ZZEF1: variants seen among roughly 807,000 people sequenced by gnomAD.
The protein encoded by ZZEF1 is zinc finger ZZ-type and EF-hand domain-containing protein 1.
Under a neutral mutation model 342.8 loss-of-function variants are expected in ZZEF1, and 157 were observed. That is an observed-to-expected ratio of 0.46 (90% confidence interval 0.40 to 0.52). The LOEUF (loss-of-function observed/expected upper bound fraction) is 0.52. ZZEF1 is among the 20% of genes least tolerant of loss of function. The pLI is 0.00. For missense variants in ZZEF1, 3,480 were observed against 3,725.6 expected (o/e 0.93, Z 1.72); for synonymous variants, 1,505 against 1,429.1 (o/e 1.05, Z -1.20).
chr17:4,104,527 C>T (rs373571321), intron 8 of ZZEF1, 106 bp downstream of exon 8: 2 of 1,283,792 alleles, frequency 1.6e-6, no homozygotes, highest in Non-Finnish European at 1.1e-6. Flanking sequence ...GTAACTATAA[C>T]AACCCAAAAA....
Position 4,016,866 on chromosome 17 carries a change from C to A in ZZEF1, c.8002-400G>T. On this transcript the variant is annotated intron_variant, in intron 48 of 54. Coordinates refer to ENST00000381638, the MANE Select transcript of ZZEF1 (RefSeq NM_015113.4). This position sits in a 1 kb window ranked among gnomAD's most constrained non-coding sequence, Gnocchi z 4.4. ...AGGTGGCAAGAACTGTGGGAGGACA[C>A]GCCTATGCAAGGGCCTAGTAGAGGC... The A allele has an allele frequency of 5.1e-6, 1 of 195,830 alleles. No homozygotes were observed. The highest frequency in any genetic ancestry group is 1.3e-4 in the East Asian group (1 of 7,446). 12.1% of individuals were successfully genotyped at this position (195,830 alleles called of 1,614,324 possible). A position where few individuals can be genotyped will look rare whatever the true frequency, so the allele number is the denominator to read the frequency against.
intron 5 of ZZEF1, among the ~76,000 whole-genome samples, 181 bp downstream of exon 5, chr17:4,112,428 G>A (rs1186824214): frequency 2.0e-5 from 3 of 152,086 alleles, no homozygotes; most frequent in Non-Finnish European, 2.9e-5. Flanking sequence ...TTACAGGCGT[G>A]AGCCAGCATG....
At chr17:4,128,408 G>A (rs111932923) in intron 1 of ZZEF1, among the ~76,000 whole-genome samples, 22,028 of 141,254 alleles carry the variant, frequency 0.16, 1,881 homozygotes, top group African/African-American at 0.22. Flanking sequence ...AGGGAAAATA[G>A]AACTTCAAAA....
intron 46 of ZZEF1, among the ~76,000 whole-genome samples, chr17:4,019,018 C>G (rs1157973062): frequency 7.2e-6 from 1 of 139,726 alleles, no homozygotes; most frequent in African/African-American, 3.4e-5. Flanking sequence ...TTCTATCTGC[C>G]CTGATCCATT....
chr17:4,071,024 T>A (rs2057498968), intron 25 of ZZEF1, 100 bp from the exon 26 acceptor site: 2 of 1,369,336 alleles, frequency 1.5e-6, no homozygotes, highest in African/African-American at 1.5e-5. Context: ...TAAAACACAG[T>A]GAACACTCTC....
At chr17:4,088,967 T>C in intron 12 of ZZEF1, 74 bp from the exon 13 acceptor site, 1 of 1,447,106 alleles carries the variant, frequency 6.9e-7, no homozygotes, top group Admixed American at 2.0e-5. Context: ...GAAAAAGGCC[T>C]TTCCGGGAAG....
chr17:4,036,078 CAAAA>C (rs34564566), intron 39 of ZZEF1, among the ~76,000 whole-genome samples: 2 of 92,740 alleles, frequency 2.2e-5, no homozygotes, highest in East Asian at 3.2e-4. Flanking sequence ...ACAGCCTGTC[CAAAA>C]AAAAAAAAAA....
At chr17:4,045,739 C>T (rs931284799) in intron 37 of ZZEF1, among the ~76,000 whole-genome samples, 8 of 152,230 alleles carry the variant, frequency 5.3e-5, no homozygotes, top group African/African-American at 1.9e-4. Context: ...AAACCGGATG[C>T]TACTCCTAAA....
At chr17:4,043,671 A>C (rs1046797537) in intron 38 of ZZEF1, among the ~76,000 whole-genome samples, 1 of 152,038 alleles carries the variant, frequency 6.6e-6, no homozygotes, top group Admixed American at 6.6e-5. Context: ...CCATCCCTAC[A>C]CACCTGCCAA....
intron 11 of ZZEF1, among the ~76,000 whole-genome samples, chr17:4,092,176 G>C (rs2057957390): frequency 6.6e-6 from 1 of 151,816 alleles, no homozygotes; most frequent in South Asian, 2.1e-4. Context: ...TATTCAGTCT[G>C]TGATATATAG....
intron 38 of ZZEF1, among the ~76,000 whole-genome samples, 171 bp from the exon 39 acceptor site, chr17:4,042,739 T>C (rs1056626158): frequency 1.3e-5 from 2 of 152,246 alleles, no homozygotes; most frequent in South Asian, 4.1e-4. Context: ...TGCAGTGCAA[T>C]GGCACAATCT....
rs772369221 is a variant in ZZEF1 at position 4,112,664 on chromosome 17, G to A, written c.1011C>T (p.Pro337=). 1 of 1,614,178 alleles carries A rather than the reference G, an allele frequency of 6.2e-7. No homozygotes were observed. Among genetic ancestry groups the A allele is most frequent in the South Asian group, 1.1e-5 (1 of 91,078 alleles). ...DLQEVRDVHI[P]SNVTGYVTLL... ...GCGTCACATAGCCAGTGACATTGCTGGGGATGTGCACATCTCGGACTTCCT... is the reference window on the plus strand; with the variant it reads ...GCGTCACATAGCCAGTGACATTGCTAGGGATGTGCACATCTCGGACTTCCT... Residue 337 remains proline (P), a synonymous_variant, in exon 5 of 55, where the codon CCC becomes CCT. Transcript: ENST00000381638.
At chr17:4,028,905 T>A (rs2056476103) in intron 42 of ZZEF1, among the ~76,000 whole-genome samples, 1 of 152,240 alleles carries the variant, frequency 6.6e-6, no homozygotes, top group African/African-American at 2.4e-5. Flanking sequence ...CAAATGCTAT[T>A]TTTAAAAATG....
chr17:4,131,370 G>A (rs975247108), intron 1 of ZZEF1, among the ~76,000 whole-genome samples: 1 of 152,122 alleles, frequency 6.6e-6, no homozygotes, highest in Non-Finnish European at 1.5e-5. Context: ...TCTGTTAGAG[G>A]AGATTTAGAC....
chr17:4,018,817 C>T (rs943701586), intron 46 of ZZEF1, among the ~76,000 whole-genome samples: 24 of 151,976 alleles, frequency 1.6e-4, no homozygotes, highest in Non-Finnish European at 2.9e-5. Flanking sequence ...CTGGAGTCTA[C>T]TGGACTAATG....
chr17:4,020,001 C>T, intron 45 of ZZEF1: 1 of 431,006 alleles, frequency 2.3e-6, no homozygotes, highest in Non-Finnish European at 4.1e-6. Flanking sequence ...CACTAAAACC[C>T]CAAAGAAATA....
intron 39 of ZZEF1, among the ~76,000 whole-genome samples, chr17:4,039,459 G>A (rs2056750189): frequency 6.7e-6 from 1 of 148,858 alleles, no homozygotes; most frequent in Non-Finnish European, 1.5e-5. Context: ...GACAGAGTGA[G>A]ACACCATCTC....
chr17:4,053,846 A>G (rs904039451), intron 34 of ZZEF1, among the ~76,000 whole-genome samples: 1 of 152,246 alleles, frequency 6.6e-6, no homozygotes, highest in Non-Finnish European at 1.5e-5. Context: ...TACACCCAGC[A>G]TGATAGAAGA....
chr17:4,033,200 A>G (rs2056587542), intron 40 of ZZEF1, 198 bp from the exon 41 acceptor site: 1 of 518,384 alleles, frequency 1.9e-6, no homozygotes, highest in Non-Finnish European at 3.3e-6. Flanking sequence ...TTACATACTC[A>G]CCCTACGGCT....
Sources: allele counts gnomAD v4.1 joint callset (sites outside exome capture counted in the v4.1 genomes callset), GRCh38; gene constraint gnomAD v4.1.1; non-coding constraint Gnocchi (gnomAD v3.1); transcripts MANE v1.5; gene names NCBI Gene and HGNC (gene_info 2026-07-23, HGNC 2026-07-21).